Variants in EHMT1 observed in about 807,000 individuals in gnomAD.
EHMT1 encodes the protein euchromatic histone lysine methyltransferase 1.
A neutral mutation model predicts 147.2 loss-of-function variants in EHMT1; 15 were observed. The observed-to-expected ratio is 0.10, with a 90% CI of 0.07 to 0.16. EHMT1 has a LOEUF of 0.16. Among genes scored for constraint, EHMT1 ranks in the 10% least tolerant of loss-of-function variants. EHMT1 has a pLI of 1.00. For synonymous variants in EHMT1, 795 were observed against 709.6 expected (o/e 1.12, Z -1.91); for missense variants, 1,587 against 1,772.4 (o/e 0.90, Z 1.88).
At chr9:137,753,995 C>T (rs1369553945) in intron 7 of EHMT1, among the ~76,000 whole-genome samples, 176 bp from the exon 8 acceptor site, 3 of 152,164 alleles carry the variant, frequency 2.0e-5, no homozygotes, top group Admixed American at 6.5e-5. Context: ...TAGGGAAAAG[C>T]GCAGGGTGCC....
chr9:137,664,583 A>AT lies in EHMT1; in HGVS notation c.21+45547dup, dbSNP rs1236346683. 7.9e-3 allele frequency among the ~76,000 whole-genome samples: 1,133 copies of AT among 142,644 alleles called. 6 individuals carry two copies. Among genetic ancestry groups the AT allele is most frequent in the Admixed American group, 0.014 (205 of 14,378 alleles). 93.6% of individuals were successfully genotyped at this position (142,644 alleles called of 152,430 possible). A position where few individuals can be genotyped will look rare whatever the true frequency, so the allele number is the denominator to read the frequency against. On this transcript the variant is annotated intron_variant, in intron 1 of 26. Coordinates refer to ENST00000460843, the MANE Select transcript of EHMT1 (RefSeq NM_024757.5). ...CCGATACTCTCATTGACAGACTTTAATTTTTTTTTTTTTGCCAGTTCAATA... is the reference window on the plus strand; with the variant it reads ...CCGATACTCTCATTGACAGACTTTAATTTTTTTTTTTTTTGCCAGTTCAATA...
At chr9:137,663,579 T>TA (rs1185841757) in intron 1 of EHMT1, among the ~76,000 whole-genome samples, 2 of 152,192 alleles carry the variant, frequency 1.3e-5, no homozygotes, top group African/African-American at 2.4e-5. Context: ...CAATCTTACT[T>TA]AAACATGTCA....
At chr9:137,646,667 G>A (rs988859861) in intron 1 of EHMT1, among the ~76,000 whole-genome samples, 1 of 152,220 alleles carries the variant, frequency 6.6e-6, no homozygotes, top group Non-Finnish European at 1.5e-5. Context: ...ATCTCGCAAG[G>A]CACGTGTGTT....
chr9:137,754,805 C>G (rs1210112831), intron 8 of EHMT1, among the ~76,000 whole-genome samples: 1 of 152,238 alleles, frequency 6.6e-6, no homozygotes, highest in Non-Finnish European at 1.5e-5. Context: ...GTGTGAGCCA[C>G]TGCGCCCGGC....
intron 19 of EHMT1, among the ~76,000 whole-genome samples, chr9:137,812,196 G>T (rs1266940447): frequency 6.6e-6 from 1 of 152,168 alleles, no homozygotes; most frequent in Non-Finnish European, 1.5e-5. Context: ...AAATTAGCCG[G>T]CCATGGTGGC....
At chr9:137,701,069 T>G (rs1268332013) in intron 1 of EHMT1, among the ~76,000 whole-genome samples, 1 of 151,994 alleles carries the variant, frequency 6.6e-6, no homozygotes, top group Non-Finnish European at 1.5e-5. Context: ...CTGCACACTT[T>G]CCAACAACCA....
chr9:137,658,242 C>T (rs1022888396), intron 1 of EHMT1, among the ~76,000 whole-genome samples: 1 of 152,196 alleles, frequency 6.6e-6, no homozygotes, highest in Non-Finnish European at 1.5e-5. Context: ...CCTCCGCCTC[C>T]TGGGTTCAAG....
chr9:137,769,412 G>A (rs1487630127), intron 10 of EHMT1, among the ~76,000 whole-genome samples: 1 of 152,072 alleles, frequency 6.6e-6, no homozygotes, highest in Non-Finnish European at 1.5e-5. Context: ...TTTTTTGGTA[G>A]CACAAGGCTG....
At chr9:137,708,366 G>A (rs537691344) in intron 1 of EHMT1, among the ~76,000 whole-genome samples, 103 of 152,290 alleles carry the variant, frequency 6.8e-4, no homozygotes, top group African/African-American at 2.4e-3. Flanking sequence ...GATATGACAC[G>A]AAAACTCAAC....
intron 4 of EHMT1, among the ~76,000 whole-genome samples, chr9:137,740,866 G>C (rs550588311): frequency 2.0e-5 from 3 of 151,990 alleles, no homozygotes; most frequent in Non-Finnish European, 4.4e-5. Context: ...GCAGTGGTGC[G>C]ATCTCGGCTC....
intron 7 of EHMT1, among the ~76,000 whole-genome samples, chr9:137,753,718 C>T (rs1309961780): frequency 6.6e-6 from 1 of 152,204 alleles, no homozygotes; most frequent in Non-Finnish European, 1.5e-5. Context: ...TAAAACATAT[C>T]TTGAAATATT....
At chr9:137,812,919 G>T in intron 19 of EHMT1, 87 bp from the exon 20 acceptor site, 1 of 1,551,454 alleles carries the variant, frequency 6.4e-7, no homozygotes, top group East Asian at 2.2e-5. Flanking sequence ...TTTATTGTTA[G>T]TGATGACGGA....
intron 4 of EHMT1, among the ~76,000 whole-genome samples, chr9:137,733,199 A>C (rs1312643009): frequency 6.6e-6 from 1 of 152,244 alleles, no homozygotes; most frequent in Non-Finnish European, 1.5e-5. Context: ...TGACAGCCCC[A>C]GGCTGGGGAT....
chr9:137,762,786 A>T lies in EHMT1; in HGVS notation c.1613A>T (p.Asn538Ile). 1 of 1,614,258 alleles carries T rather than the reference A, an allele frequency of 6.2e-7. No homozygotes were observed. Among genetic ancestry groups the T allele is most frequent in the East Asian group, 2.2e-5 (1 of 44,890 alleles). ...CGAGAGATCACCACACTGGCCAACA[A>T]CCAGTGCATGGCTACAGAGAGCGTG... ...KSREITTLAN[N>I]QCMATESVDH... is the part of the protein sequence containing the mutation. The change falls in exon 10 of 27, where the codon AAC (asparagine) becomes ATC (isoleucine). Residue 538 changes from asparagine to isoleucine, a missense_variant. Coordinates refer to ENST00000460843, the MANE Select transcript of EHMT1 (RefSeq NM_024757.5).
intron 17 of EHMT1, among the ~76,000 whole-genome samples, chr9:137,799,954 T>C (rs1953316785): frequency 6.6e-6 from 1 of 152,234 alleles, no homozygotes; most frequent in Admixed American, 6.5e-5. Flanking sequence ...TGCGCTCTGC[T>C]GTCCCTGCTG....
At chr9:137,710,876 C>A in intron 1 of EHMT1, 91 bp from the exon 2 acceptor site, 1 of 1,432,964 alleles carries the variant, frequency 7.0e-7, no homozygotes, top group South Asian at 1.2e-5. Flanking sequence ...AATGTTGTAA[C>A]TACGATTTTT....
intron 1 of EHMT1, among the ~76,000 whole-genome samples, chr9:137,670,486 C>A (rs768326958): frequency 1.3e-5 from 2 of 152,152 alleles, no homozygotes; most frequent in Non-Finnish European, 2.9e-5. Flanking sequence ...ACTCTGGTGT[C>A]CTGTGCCCAC....
chr9:137,793,788 C>T (rs1394324463), intron 16 of EHMT1, among the ~76,000 whole-genome samples: 1 of 152,186 alleles, frequency 6.6e-6, no homozygotes, highest in Non-Finnish European at 1.5e-5. Flanking sequence ...AAGCCAGGCA[C>T]AAGGACAAAT....
At chr9:137,814,940 A>G in intron 22 of EHMT1, 1 of 304,594 alleles carries the variant, frequency 3.3e-6, no homozygotes, top group South Asian at 3.2e-5. Flanking sequence ...CAGGATTGGA[A>G]GTTTCTGTTG....
Sources: gnomAD v4.1 joint callset for allele counts (sites outside exome capture counted in the v4.1 genomes callset) on GRCh38, gnomAD v4.1.1 for gene constraint, MANE v1.5 for transcripts, NCBI Gene and HGNC (gene_info 2026-07-23, HGNC 2026-07-21) for gene names.